The following RNF150 variants were observed in gnomAD, a reference collection of about 807,000 sequenced individuals.
The protein encoded by RNF150 is ring finger protein 150.
RNF150 carries 24 observed loss-of-function variants against 39.3 expected under a neutral mutation model. The observed-to-expected ratio is 0.61, with a 90% confidence interval of 0.44 to 0.86. RNF150 has a LOEUF of 0.86. RNF150 is among the 40% of genes least tolerant of loss of function. The pLI, the probability that RNF150 is intolerant of heterozygous loss-of-function variation, is 0.00. For synonymous variants in RNF150, 255 were observed against 227.3 expected (o/e 1.12, Z -1.10); for missense variants, 502 against 587.8 (o/e 0.85, Z 1.51).
intron 1 of RNF150, among the ~76,000 whole-genome samples, chr4:141,186,021 G>T (rs1046863437): frequency 6.6e-6 from 1 of 152,192 alleles, no homozygotes; most frequent in Non-Finnish European, 1.5e-5. Context: ...GCCAGATTTT[G>T]ATATCAGGAT....
chr4:141,161,036 T>C (rs574274936), intron 1 of RNF150, among the ~76,000 whole-genome samples: 4 of 151,826 alleles, frequency 2.6e-5, no homozygotes, highest in South Asian at 2.1e-4. Flanking sequence ...TGAGCAGAGG[T>C]TGGAAGAGTT....
chr4:140,923,827 T>G (rs1490366704), intron 5 of RNF150, among the ~76,000 whole-genome samples: 1 of 152,126 alleles, frequency 6.6e-6, no homozygotes, highest in African/African-American at 2.4e-5. Flanking sequence ...TGTAGGGACA[T>G]GGATGAAGCT....
At chr4:140,954,927 T>C (rs1482676658) in intron 2 of RNF150, among the ~76,000 whole-genome samples, 2 of 152,216 alleles carry the variant, frequency 1.3e-5, no homozygotes, top group South Asian at 2.1e-4. Context: ...TGGATAATTC[T>C]GTATCATATT....
At chr4:141,121,280 A>G (rs1003362783) in intron 1 of RNF150, among the ~76,000 whole-genome samples, 8 of 152,156 alleles carry the variant, frequency 5.3e-5, no homozygotes, top group Non-Finnish European at 5.9e-5. Context: ...CAAGAGAATG[A>G]CTTCAGACTG....
chr4:141,139,075 T>C (rs924091163), intron 1 of RNF150, among the ~76,000 whole-genome samples: 107 of 152,052 alleles, frequency 7.0e-4, no homozygotes, highest in African/African-American at 2.5e-3. Context: ...TAGCTAGGCA[T>C]GGTGGCACAA....
intron 6 of RNF150, among the ~76,000 whole-genome samples, chr4:140,876,412 G>A (rs1729157010): frequency 6.6e-6 from 1 of 152,184 alleles, no homozygotes; most frequent in African/African-American, 2.4e-5. Flanking sequence ...GTGTTCCTTT[G>A]AATTCTTTGC....
chr4:141,058,224 C>T (rs770019424), intron 1 of RNF150, among the ~76,000 whole-genome samples: 4 of 150,562 alleles, frequency 2.7e-5, no homozygotes, highest in Admixed American at 6.7e-5. Context: ...CTGCTATATA[C>T]ACATTATAAA....
rs561741005 is a variant in RNF150, at chr4:140,949,614, A to C, written c.736-242T>G. 3.9e-5 allele frequency among the ~76,000 whole-genome samples: 6 copies of C among 152,214 alleles called. No individual in the cohort carries two copies. In the South Asian group the frequency reaches 6.2e-4, roughly 16 times the overall value. On this transcript the variant is annotated intron_variant, in intron 2 of 6. Transcript: ENST00000515673. ...TTCATGCCTAGAGTTAAGCAAGTGCATGTGACATACATAGATCCTGCCCTA... is the reference window on the plus strand; with the variant it reads ...TTCATGCCTAGAGTTAAGCAAGTGCCTGTGACATACATAGATCCTGCCCTA...
At chr4:140,915,570 T>C (rs1730786647) in intron 5 of RNF150, among the ~76,000 whole-genome samples, 1 of 152,226 alleles carries the variant, frequency 6.6e-6, no homozygotes, top group Non-Finnish European at 1.5e-5. Context: ...AAGTGATTTA[T>C]TCTTCATGGA....
rs565023783 is a variant in RNF150, at chr4:141,104,659, A to T, written c.484+27666T>A. Among the ~76,000 whole-genome samples the T allele has an allele frequency of 2.0e-5, 3 of 152,306 alleles. No homozygotes were observed. In the East Asian group the frequency reaches 5.8e-4, roughly 29 times the overall value. On this transcript the variant is annotated intron_variant, in intron 1 of 6. Transcript: ENST00000515673. ...ATTCTATTCAATGTCCCAAATCCAA[A>T]TTGGTTGCCATATTTAGAGGAGGCT...
At chr4:141,088,832 C>T (rs1398095615) in intron 1 of RNF150, among the ~76,000 whole-genome samples, 6 of 152,106 alleles carry the variant, frequency 3.9e-5, no homozygotes, top group Admixed American at 2.0e-4. Flanking sequence ...AACACACTTA[C>T]ATGTCCAGAA....
At chr4:140,920,847 C>T (rs1273274865) in intron 5 of RNF150, among the ~76,000 whole-genome samples, 1 of 150,928 alleles carries the variant, frequency 6.6e-6, no homozygotes, top group African/African-American at 2.4e-5. Context: ...CCATGGAATA[C>T]TATGCAGCCG....
At chr4:140,882,254 C>T (rs1016077978) in intron 6 of RNF150, among the ~76,000 whole-genome samples, 3 of 152,226 alleles carry the variant, frequency 2.0e-5, no homozygotes, top group East Asian at 3.9e-4. Context: ...CTGCTGACCT[C>T]GTGATCCACC....
intron 1 of RNF150, among the ~76,000 whole-genome samples, chr4:141,030,005 A>G (rs1735872526): frequency 6.6e-6 from 1 of 151,954 alleles, no homozygotes; most frequent in Non-Finnish European, 1.5e-5. Flanking sequence ...GACCATCCTG[A>G]CTAACCCAGC....
At chr4:141,051,266 G>A (rs560866830) in intron 1 of RNF150, among the ~76,000 whole-genome samples, 1 of 152,302 alleles carries the variant, frequency 6.6e-6, no homozygotes, top group South Asian at 2.1e-4. Context: ...GTGAGGGGCT[G>A]CCATGAAGAC....
chr4:141,039,553 T>C (rs950329242), intron 1 of RNF150, among the ~76,000 whole-genome samples: 1 of 152,124 alleles, frequency 6.6e-6, no homozygotes, highest in Non-Finnish European at 1.5e-5. Flanking sequence ...ATTATAAAAT[T>C]AAATAGGTGA....
At chr4:141,061,375 T>TA (rs1195298062) in intron 1 of RNF150, among the ~76,000 whole-genome samples, 1 of 152,134 alleles carries the variant, frequency 6.6e-6, no homozygotes, top group Non-Finnish European at 1.5e-5. Flanking sequence ...ATATACTCTT[T>TA]AAAAAAGGAA....
At chr4:141,003,675 A>G (rs1734758632) in intron 1 of RNF150, among the ~76,000 whole-genome samples, 1 of 152,130 alleles carries the variant, frequency 6.6e-6, no homozygotes, top group African/African-American at 2.4e-5. Flanking sequence ...TCATAGATGC[A>G]TCTACTGATC....
intron 6 of RNF150, among the ~76,000 whole-genome samples, chr4:140,896,727 A>AGT (rs141539219): frequency 8.2e-6 from 1 of 121,324 alleles, no homozygotes; most frequent in Non-Finnish European, 1.7e-5. Flanking sequence ...CAAACAAAAA[A>AGT]AAATAATTTT....
Sources: gnomAD v4.1 joint callset for allele counts (sites outside exome capture counted in the v4.1 genomes callset) on GRCh38, gnomAD v4.1.1 for gene constraint, MANE v1.5 for transcripts, NCBI Gene and HGNC (gene_info 2026-07-23, HGNC 2026-07-21) for gene names.